Variants in C6orf163 observed in about 807,000 individuals in gnomAD.
C6orf163 encodes the protein uncharacterized protein C6orf163.
C6orf163 carries 22 observed loss-of-function variants against 28.4 expected under a neutral mutation model. The observed-to-expected ratio is 0.78, with a 90% CI of 0.55 to 1.11. The LOEUF (loss-of-function observed/expected upper bound fraction) is 1.11. Among genes scored for constraint, C6orf163 ranks in the 50% least tolerant of loss-of-function variants. The pLI, the probability that C6orf163 is intolerant of heterozygous loss-of-function variation, is 0.00. For missense variants in C6orf163, 342 were observed against 389.1 expected (o/e 0.88, Z 1.02); for synonymous variants, 110 against 123.6 (o/e 0.89, Z 0.73).
At chr6:87,348,070 C>A in intron 1 of C6orf163, 1 of 538,166 alleles carries the variant, frequency 1.9e-6, no homozygotes, top group Non-Finnish European at 2.4e-6. Flanking sequence ...GCAGGAGAAT[C>A]ACTTGAAACG....
At chr6:87,363,799 A>G (rs564967419) in intron 4 of C6orf163, among the ~76,000 whole-genome samples, 6 of 152,316 alleles carry the variant, frequency 3.9e-5, no homozygotes, top group South Asian at 2.1e-4. Context: ...TAGTGCCGCA[A>G]TAAACATACG....
At chr6:87,358,548 A>T (rs564236782) in intron 4 of C6orf163, 1 of 152,118 alleles carries the variant, frequency 6.6e-6, no homozygotes, top group South Asian at 2.1e-4. Flanking sequence ...CGGAGCTTGC[A>T]GTGAGCCGAG....
intron 2 of C6orf163, among the ~76,000 whole-genome samples, chr6:87,350,070 T>C (rs906307366): frequency 2.0e-5 from 3 of 152,200 alleles, no homozygotes; most frequent in Non-Finnish European, 4.4e-5. Context: ...ATATGTTACT[T>C]TGAGAGTCAA....
chr6:87,347,529 A>C (rs1228419256), intron 1 of C6orf163: 1 of 985,320 alleles, frequency 1.0e-6, no homozygotes, highest in Admixed American at 6.1e-5. Context: ...GGGCTTTTGC[A>C]GTATGTGTCC....
chr6:87,359,615 G>T (rs107689), intron 4 of C6orf163, among the ~76,000 whole-genome samples: 65,090 of 152,070 alleles, frequency 0.43, 14,319 homozygotes, highest in Non-Finnish European at 0.48. Context: ...CCAGGCAAAG[G>T]ATCAATTGCT....
At chr6:87,349,733 T>G (rs1777382240) in intron 2 of C6orf163, among the ~76,000 whole-genome samples, 1 of 152,222 alleles carries the variant, frequency 6.6e-6, no homozygotes, top group African/African-American at 2.4e-5. Context: ...AATGCTCCAG[T>G]TCTTTATGAA....
intron 3 of C6orf163, among the ~76,000 whole-genome samples, chr6:87,353,661 T>G (rs145522125): frequency 6.5e-4 from 99 of 152,258 alleles, no homozygotes; most frequent in African/African-American, 2.3e-3. Flanking sequence ...CCCAGCAGTC[T>G]GAATTACTGA....
Position 87,365,130 on chromosome 6 carries a change from A to T in C6orf163, c.724A>T (p.Thr242Ser). The change falls in exon 5 of 5, where the codon ACA (threonine) becomes TCA (serine). Residue 242 changes from threonine to serine, a missense_variant. Thr to Ser is a moderately conservative substitution (Grantham distance 58). Transcript: ENST00000388923. ...VQEVLQEAEK[T>S]HQATLGNMMD... ...GGAAGTGCTTCAAGAAGCAGAGAAAACACATCAGGCCACTCTTGGCAATAT... is the reference window on the plus strand; with the variant it reads ...GGAAGTGCTTCAAGAAGCAGAGAAATCACATCAGGCCACTCTTGGCAATAT... The T allele has an allele frequency of 4.5e-6, 7 of 1,551,998 alleles. No individual in the cohort carries two copies. The highest frequency in any genetic ancestry group is 6.1e-6 in the Non-Finnish European group (7 of 1,147,056).
intron 4 of C6orf163, among the ~76,000 whole-genome samples, chr6:87,360,574 T>C (rs1319965148): frequency 3.3e-5 from 5 of 152,096 alleles, no homozygotes; most frequent in Non-Finnish European, 7.4e-5. Context: ...CTAATTTTTG[T>C]ATTTTTAGTA....
At chr6:87,348,583 G>T (rs930689711) in intron 1 of C6orf163, 6 of 1,298,996 alleles carry the variant, frequency 4.6e-6, no homozygotes, top group Non-Finnish European at 5.9e-6. Flanking sequence ...TGTGGACTGG[G>T]TGTGATGAGG....
rs754909188 is a variant in C6orf163 at position 87,365,352 on chromosome 6, CCTT to C, written c.949_951del (p.Ser317del). 12 of 1,548,898 alleles carry C rather than the reference CCTT, an allele frequency of 7.7e-6. No individual in the cohort carries two copies. The highest frequency in any genetic ancestry group is 2.4e-5 in the East Asian group (1 of 40,916). On this transcript the variant is annotated inframe_deletion, in exon 5 of 5. Transcript: ENST00000388923. The stretch of plus-strand genomic sequence containing the variant: ...TATTCTGCCAGAAAGAAAGAAAACA[CCTT>C]CTAATCTTGTTATTAAGGAGAACAA...
intron 3 of C6orf163, among the ~76,000 whole-genome samples, chr6:87,353,333 CAAAG>C (rs1490881235): frequency 1.3e-5 from 2 of 151,474 alleles, no homozygotes; most frequent in African/African-American, 2.4e-5. Context: ...GTTTGTAACA[CAAAG>C]AAAGGATAAA....
chr6:87,351,889 A>T (rs763240748), intron 3 of C6orf163, among the ~76,000 whole-genome samples: 19 of 152,160 alleles, frequency 1.2e-4, no homozygotes, highest in Non-Finnish European at 2.1e-4. Flanking sequence ...GGTGGGCCCT[A>T]CTGTGCTGGT....
chr6:87,346,993 CT>C (rs538214203), intron 1 of C6orf163, among the ~76,000 whole-genome samples: 3 of 152,244 alleles, frequency 2.0e-5, no homozygotes, highest in Admixed American at 2.0e-4. Flanking sequence ...CTTATGTACA[CT>C]TTTTTCCCCC....
chr6:87,364,315 T>C lies in C6orf163; in HGVS notation c.555-646T>C, dbSNP rs143817933. ...AAGTTAAATTATACCATTCTTCTCA[T>C]GAAATATTTCATTGTTTGGGAAAAT... On this transcript the variant is annotated intron_variant, in intron 4 of 4. Coordinates refer to ENST00000388923, the MANE Select transcript of C6orf163 (RefSeq NM_001010868.3). 3.9e-3 allele frequency among the ~76,000 whole-genome samples: 600 copies of C among 152,278 alleles called. 5 individuals carry two copies. Among genetic ancestry groups the C allele is most frequent in the African/African-American group, 0.014 (582 of 41,560 alleles).
chr6:87,349,017 T>A lies in C6orf163; in HGVS notation c.243+111T>A, dbSNP rs544087246. 1.6e-5 allele frequency: 22 copies of A among 1,371,962 alleles called. No individual in the cohort carries two copies. In the African/African-American group the frequency reaches 2.6e-4, roughly 16 times the overall value. 85.0% of individuals were successfully genotyped at this position (1,371,962 alleles called of 1,614,324 possible). On this transcript the variant is annotated intron_variant, in intron 2 of 4. Transcript: ENST00000388923. Reference sequence around the variant, plus strand: ...TAGTCAGAACTGACTGAATCCTGGCTAGCTGTGGGACATTGGGCAAGTTCT... The same window carrying A: ...TAGTCAGAACTGACTGAATCCTGGCAAGCTGTGGGACATTGGGCAAGTTCT...
At chr6:87,347,555 T>C (rs551006731) in intron 1 of C6orf163, 98 of 985,340 alleles carry the variant, frequency 9.9e-5, no homozygotes, top group Non-Finnish European at 1.1e-4. Flanking sequence ...CACCGTAATA[T>C]ATGCTGCCCT....
chr6:87,345,916 CAAAAAA>C lies in C6orf163; in HGVS notation c.148+688_148+693del, dbSNP rs3044136. 1.3e-3 allele frequency among the ~76,000 whole-genome samples: 56 copies of C among 44,658 alleles called. No homozygotes were observed. In the South Asian group the frequency reaches 0.05, roughly 40 times the overall value. The allele number at this position is 44,658 out of a possible 152,430, so 29.3% of individuals were successfully genotyped here. ...TGGGTGACAGAGCGAGACTCTGCCT[CAAAAAA>C]AAAAAAAAAAAAAAAAAATTTTAAA... On this transcript the variant is annotated intron_variant, in intron 1 of 4. Transcript: ENST00000388923.
At position 87,356,436 on chromosome 6, in the gene C6orf163, G is replaced by A. The variant is rs777119064; in HGVS notation, c.487G>A (p.Glu163Lys). Residue 163 changes from glutamate (E) to lysine (K), a missense_variant, in exon 4 of 5, where the codon GAA (glutamate) becomes AAA (lysine). By Grantham distance (56) the Glu-to-Lys change is moderately conservative. Coordinates refer to ENST00000388923, the MANE Select transcript of C6orf163 (RefSeq NM_001010868.3). ...IMMECHREKV[E>K]AVEKARAEER... ...GATGGAATGCCACAGAGAGAAGGTCGAAGCTGTGGAGAAAGCCAGGGCTGA... is the reference window on the plus strand; with the variant it reads ...GATGGAATGCCACAGAGAGAAGGTCAAAGCTGTGGAGAAAGCCAGGGCTGA... 14 of 1,551,632 alleles carry A rather than the reference G, an allele frequency of 9.0e-6. No homozygotes were observed. Among genetic ancestry groups the A allele is most frequent in the Middle Eastern group, 1.7e-4 (1 of 6,014 alleles).
Sources: allele counts gnomAD v4.1 joint callset (sites outside exome capture counted in the v4.1 genomes callset), GRCh38; gene constraint gnomAD v4.1.1; transcripts MANE v1.5; gene names NCBI Gene and HGNC (gene_info 2026-07-23, HGNC 2026-07-21).